The following RBFOX1 variants were observed in gnomAD, a reference collection of about 807,000 sequenced individuals.
The protein encoded by RBFOX1 is RNA binding fox-1 homolog 1.
RBFOX1 carries 8 observed loss-of-function variants against 57.7 expected under a neutral mutation model. The observed-to-expected ratio is 0.14, with a 90% CI of 0.08 to 0.25. The LOEUF (loss-of-function observed/expected upper bound fraction) is 0.25. RBFOX1 is among the 10% of genes least tolerant of loss of function. The pLI, the probability that RBFOX1 is intolerant of heterozygous loss-of-function variation, is 1.00. For synonymous variants in RBFOX1, 326 were observed against 222.4 expected, an observed-to-expected ratio of 1.47 and a Z score of -4.15; for missense variants, 611 against 548.5, an observed-to-expected ratio of 1.11 and a Z score of -1.14.
chr16:6,894,720 A>G (rs1596416036), intron 3 of RBFOX1, among the ~76,000 whole-genome samples: 2 of 152,328 alleles, frequency 1.3e-5, no homozygotes, highest in East Asian at 3.9e-4. Flanking sequence ...AAAATTTTGT[A>G]AAAAGGTTAC....
intron 4 of RBFOX1, among the ~76,000 whole-genome samples, chr16:7,507,565 C>CTT (rs3030308): frequency 5.3e-5 from 7 of 132,550 alleles, no homozygotes; most frequent in Admixed American, 3.2e-4. Context: ...TTCTTTCTTT[C>CTT]TTTTTTTTTT....
intron 1 of RBFOX1, among the ~76,000 whole-genome samples, chr16:6,073,215 A>G (rs1268640222): frequency 6.6e-6 from 1 of 152,174 alleles, no homozygotes; most frequent in African/African-American, 2.4e-5. Context: ...ACTGACTTCC[A>G]GGGCTGAGAT....
At chr16:7,436,634 G>C (rs940200731) in intron 4 of RBFOX1, among the ~76,000 whole-genome samples, 1 of 152,224 alleles carries the variant, frequency 6.6e-6, no homozygotes, top group African/African-American at 2.4e-5. Flanking sequence ...TTTGCTATCA[G>C]GCATTTGCGG....
chr16:6,041,053 A>T (rs778026621), intron 1 of RBFOX1, among the ~76,000 whole-genome samples: 1 of 152,130 alleles, frequency 6.6e-6, no homozygotes, highest in Non-Finnish European at 1.5e-5. Flanking sequence ...CCACCATTAC[A>T]ATATCATAGA....
chr16:5,822,585 C>G (rs1261545612), intron 3 of RBFOX1, among the ~76,000 whole-genome samples: 2 of 152,134 alleles, frequency 1.3e-5, no homozygotes, highest in Admixed American at 6.5e-5. Context: ...AATTTTCCAA[C>G]CACAAAGAAA....
intron 1 of RBFOX1, among the ~76,000 whole-genome samples, chr16:5,299,331 A>T (rs1446216392): frequency 6.6e-6 from 1 of 151,994 alleles, no homozygotes; most frequent in East Asian, 1.9e-4. Context: ...ATAATTTGTT[A>T]TTTATCTACC....
chr16:5,704,758 C>T (rs920927560), intron 3 of RBFOX1, among the ~76,000 whole-genome samples: 5 of 152,058 alleles, frequency 3.3e-5, no homozygotes, highest in African/African-American at 4.8e-5. Flanking sequence ...TCAGCTTGGC[C>T]GGGTTACTAT....
chr16:5,965,248 A>G (rs757805829), intron 4 of RBFOX1, among the ~76,000 whole-genome samples: 4 of 152,188 alleles, frequency 2.6e-5, no homozygotes, highest in Non-Finnish European at 4.4e-5. Context: ...ACTATAGTTA[A>G]TAATAATGTG....
At chr16:5,735,657 G>T (rs1338123367) in intron 3 of RBFOX1, among the ~76,000 whole-genome samples, 4 of 152,140 alleles carry the variant, frequency 2.6e-5, no homozygotes, top group Admixed American at 6.5e-5. Flanking sequence ...AGCGCTTTGG[G>T]AGGCCAAAGT....
At chr16:5,433,310 G>T (rs138631569) in intron 1 of RBFOX1, among the ~76,000 whole-genome samples, 25 of 152,280 alleles carry the variant, frequency 1.6e-4, no homozygotes, top group Non-Finnish European at 3.2e-4. Context: ...TTCACAGCAG[G>T]CATCTTCTGG....
In RBFOX1 at chr16:6,317,008, G is replaced by C; in HGVS notation, c.-113G>C. 6.5e-7 allele frequency: 1 copy of C among 1,535,502 alleles called. No individual in the cohort carries two copies. The highest frequency in any genetic ancestry group is 8.7e-7 in the Non-Finnish European group (1 of 1,146,502). On this transcript the variant is annotated 5_prime_UTR_variant, in exon 2 of 16. Transcript: ENST00000550418. ...TTTCTTCTTTAGGAAACTGGTCAAA[G>C]AACTCATGCAAGTGGAACTTACAGC... is the stretch of plus-strand genomic sequence containing the variant.
At chr16:6,351,372 A>ATTTTTTT (rs761394862) in intron 2 of RBFOX1, among the ~76,000 whole-genome samples, 6 of 86,428 alleles carry the variant, frequency 6.9e-5, no homozygotes, top group African/African-American at 3.1e-4. Flanking sequence ...ATATATATAT[A>ATTTTTTT]TTTTTTTTTT....
At chr16:7,622,959 T>C (rs2059539184) in intron 10 of RBFOX1, among the ~76,000 whole-genome samples, 1 of 152,214 alleles carries the variant, frequency 6.6e-6, no homozygotes, top group African/African-American at 2.4e-5. Context: ...AATGCATGAC[T>C]GTAAAAGTAT....
intron 4 of RBFOX1, among the ~76,000 whole-genome samples, chr16:5,887,766 G>A (rs1002364836): frequency 6.6e-5 from 10 of 152,096 alleles, no homozygotes; most frequent in Non-Finnish European, 8.8e-5. Context: ...TGGTTCACCC[G>A]AGGAGTCAGA....
At chr16:7,256,377 T>C (rs1012340439) in intron 4 of RBFOX1, among the ~76,000 whole-genome samples, 2 of 152,196 alleles carry the variant, frequency 1.3e-5, no homozygotes, top group Non-Finnish European at 2.9e-5. Context: ...CTCAGATTCA[T>C]TTTCAATCTC....
chr16:5,477,054 C>A (rs2069350737), intron 2 of RBFOX1, among the ~76,000 whole-genome samples: 1 of 152,192 alleles, frequency 6.6e-6, no homozygotes, highest in Non-Finnish European at 1.5e-5. Context: ...CGCTCTGTCA[C>A]CCAGGCTGGA....
At chr16:5,436,744 A>T (rs2067929976) in intron 1 of RBFOX1, among the ~76,000 whole-genome samples, 1 of 152,110 alleles carries the variant, frequency 6.6e-6, no homozygotes, top group Non-Finnish European at 1.5e-5. Context: ...AGGCTGAGGC[A>T]CGAGAATCAC....
intron 1 of RBFOX1, among the ~76,000 whole-genome samples, chr16:6,107,662 T>C (rs909345500): frequency 2.8e-5 from 4 of 140,372 alleles, no homozygotes; most frequent in Non-Finnish European, 6.1e-5. Context: ...AAAGGATGAC[T>C]AGATGCATGG....
chr16:6,460,026 A>G (rs1284588241), intron 2 of RBFOX1, among the ~76,000 whole-genome samples: 1 of 142,604 alleles, frequency 7.0e-6, no homozygotes, highest in Non-Finnish European at 1.5e-5. Flanking sequence ...AAAAAAAAAA[A>G]AATTCTTGCT....
Sources: allele counts gnomAD v4.1 joint callset (sites outside exome capture counted in the v4.1 genomes callset), GRCh38; gene constraint gnomAD v4.1.1; transcripts MANE v1.5; gene names NCBI Gene and HGNC (gene_info 2026-07-23, HGNC 2026-07-21).